Variants in GFM2 observed in about 807,000 individuals in gnomAD.
GFM2 encodes the protein ribosome-releasing factor 2, mitochondrial.
In GFM2, 72 loss-of-function variants were observed where a neutral mutation model predicts 95.4. The ratio of observed to expected loss-of-function variants is 0.76; its 90% CI spans 0.62 to 0.92. GFM2 has a LOEUF of 0.92. GFM2 is among the 40% of genes least tolerant of loss of function. The probability of loss-of-function intolerance (pLI) is 0.00; values close to 1 mark genes in which losing one functional copy is unlikely to be tolerated. For synonymous variants in GFM2, 276 were observed against 317.5 expected (o/e 0.87, Z 1.39); for missense variants, 825 against 924.1 (o/e 0.89, Z 1.39).
Position 74,760,770 on chromosome 5 carries a change from T to C in GFM2, c.148+132A>G, listed in dbSNP as rs536281541. The stretch of plus-strand genomic sequence containing the variant: ...CCTATCTGAACACTCCCGCCCCTAA[T>C]AATCTCAAGGAAATAGCCAAGAAGT... On this transcript the variant is annotated intron_variant, in intron 3 of 20. Transcript: ENST00000296805. The C allele has an allele frequency of 3.7e-5, 25 of 669,110 alleles. No homozygotes were observed. In the African/African-American group the frequency reaches 4.0e-4, roughly 11 times the overall value. 41.4% of individuals were successfully genotyped at this position (669,110 alleles called of 1,614,324 possible).
At chr5:74,726,155 G>C in intron 17 of GFM2, 29 bp from the exon 18 acceptor site, 1 of 1,538,172 alleles carries the variant, frequency 6.5e-7, no homozygotes. Flanking sequence ...TGGCACCTCA[G>C]AGATTAATTC....
chr5:74,761,491 G>A (rs529806004), intron 2 of GFM2, among the ~76,000 whole-genome samples: 1 of 152,288 alleles, frequency 6.6e-6, no homozygotes, highest in South Asian at 2.1e-4. Context: ...TCTGTAGGGG[G>A]CAATGAACTC....
chr5:74,745,062 G>A (rs539859469), intron 10 of GFM2, among the ~76,000 whole-genome samples: 17 of 152,202 alleles, frequency 1.1e-4, no homozygotes, highest in African/African-American at 2.2e-4. Context: ...AATGAGGCCC[G>A]GCGCAGTGGC....
chr5:74,757,971 G>A (rs777660271), intron 5 of GFM2, among the ~76,000 whole-genome samples: 5 of 152,102 alleles, frequency 3.3e-5, no homozygotes, highest in Admixed American at 6.6e-5. Flanking sequence ...AATGGGTATA[G>A]AATTTCAATT....
intron 7 of GFM2, among the ~76,000 whole-genome samples, chr5:74,748,671 C>A (rs960126714): frequency 6.6e-6 from 1 of 151,922 alleles, no homozygotes. Flanking sequence ...TCAAGACCAG[C>A]CTGGCCAACA....
rs1749855846 is a variant in GFM2 at position 74,721,241 on chromosome 5, A to AATAAGATATTAGACT, written c.*399_*413dup. On this transcript the variant is annotated 3_prime_UTR_variant, in exon 21 of 21. Coordinates refer to ENST00000296805, the MANE Select transcript of GFM2 (RefSeq NM_032380.5). ...TCAACTTTATTTTGAAATCATGTAAAATAAGATATTAGACTGTTTTTTGAA... is the reference window on the plus strand; with the variant it reads ...TCAACTTTATTTTGAAATCATGTAAAATAAGATATTAGACTATAAGATATTAGACTGTTTTTTGAA... 2.0e-5 allele frequency: 25 copies of AATAAGATATTAGACT among 1,236,692 alleles called. No individual in the cohort carries two copies. The Admixed American group carries it at 4.2e-4, about 21-fold the overall frequency. The allele number at this position is 1,236,692 out of a possible 1,614,324, so 76.6% of individuals were successfully genotyped here. A position where few individuals can be genotyped will look rare whatever the true frequency, so the allele number is the denominator to read the frequency against.
intron 5 of GFM2, among the ~76,000 whole-genome samples, chr5:74,753,036 C>T (rs1344653674): frequency 1.3e-5 from 2 of 152,078 alleles, no homozygotes; most frequent in East Asian, 3.9e-4. Context: ...CACTAGCTCA[C>T]CAGCAATGAA....
chr5:74,764,382 C>T (rs1345827277), intron 1 of GFM2, among the ~76,000 whole-genome samples: 2 of 152,216 alleles, frequency 1.3e-5, no homozygotes, highest in African/African-American at 2.4e-5. Context: ...GACAGACAGA[C>T]CATGTTAAAC....
chr5:74,759,389 G>T lies in GFM2; in HGVS notation c.186C>A (p.Ile62=). The change falls in exon 4 of 21, where the codon ATC becomes ATA. Residue 62 remains isoleucine, a synonymous_variant. Coordinates refer to ENST00000296805, the MANE Select transcript of GFM2 (RefSeq NM_032380.5). ...IGNDIKSLHS[I]INPPIAKIRN... is the part of the protein sequence containing the mutation. ...CTTACTTAGCTATGGGAGGATTGAT[G>T]ATGGAATGAAGGGATTTGATATCAT... 6.5e-7 allele frequency: 1 copy of T among 1,539,200 alleles called. No homozygotes were observed. Among genetic ancestry groups the T allele is most frequent in the Non-Finnish European group, 9.0e-7 (1 of 1,116,464 alleles).
At chr5:74,751,993 G>A (rs1743740184) in intron 5 of GFM2, among the ~76,000 whole-genome samples, 1 of 152,088 alleles carries the variant, frequency 6.6e-6, no homozygotes, top group Non-Finnish European at 1.5e-5. Context: ...GATGAAAGGA[G>A]ACAATATATA....
At position 74,737,316 on chromosome 5, in the gene GFM2, G is replaced by A. The variant is rs1275781109; in HGVS notation, c.1321-331C>T. Among the ~76,000 whole-genome samples, 9 of 152,234 alleles carry A rather than the reference G, an allele frequency of 5.9e-5. No homozygotes were observed. The East Asian group carries it at 1.7e-3, about 29-fold the overall frequency. ...AGGTTAGGGAGAAGTCCATTAGAGT[G>A]TTCTACCACCCATAAGAATTTATTC... On this transcript the variant is annotated intron_variant, in intron 14 of 20. Transcript: ENST00000296805.
chr5:74,728,905 G>T (rs1014039662), intron 17 of GFM2, among the ~76,000 whole-genome samples: 1 of 151,586 alleles, frequency 6.6e-6, no homozygotes, highest in Non-Finnish European at 1.5e-5. Flanking sequence ...ATAGGCACTC[G>T]CCACCATTCC....
At chr5:74,742,382 G>T (rs1229012824) in intron 10 of GFM2, among the ~76,000 whole-genome samples, 1 of 151,966 alleles carries the variant, frequency 6.6e-6, no homozygotes, top group Non-Finnish European at 1.5e-5. Flanking sequence ...CCTAGAAATG[G>T]TTCCACCACT....
chr5:74,760,931 G>C lies in GFM2; in HGVS notation c.119C>G (p.Pro40Arg). The C allele has an allele frequency of 1.2e-6, 2 of 1,610,168 alleles. No homozygotes were observed. Among genetic ancestry groups the C allele is most frequent in the Non-Finnish European group, 1.7e-6 (2 of 1,176,936 alleles). ...ASLKRLKPHV[P>R]LGRNCSSLPG... ...TAGAGAACTGCAATTTCTTCCAAGC[G>C]GCACATGTGGCTTTAATCTTTTTAA... Residue 40 changes from proline (P) to arginine (R), a missense_variant, in exon 3 of 21, where the codon CCG (proline) becomes CGG (arginine). Coordinates refer to ENST00000296805, the MANE Select transcript of GFM2 (RefSeq NM_032380.5).
intron 17 of GFM2, among the ~76,000 whole-genome samples, chr5:74,729,912 C>T (rs964624717): frequency 1.3e-5 from 2 of 152,148 alleles, no homozygotes; most frequent in African/African-American, 2.4e-5. Context: ...TGACTTTCTA[C>T]TTTTACTTTA....
chr5:74,738,741 A>C, intron 12 of GFM2, 99 bp from the exon 13 acceptor site: 1 of 1,027,352 alleles, frequency 9.7e-7, no homozygotes, highest in Non-Finnish European at 1.4e-6. Context: ...ATCTTCTAGT[A>C]GAGCTACTTA....
chr5:74,765,287 C>A, intron 1 of GFM2: 1 of 211,364 alleles, frequency 4.7e-6, no homozygotes, highest in Non-Finnish European at 9.2e-6. Context: ...TCTGCCTACC[C>A]ACTGCTTTCT....
rs1414897925 is a variant in GFM2, at chr5:74,741,583, A to G, written c.876T>C (p.Ala292=). 6.3e-7 allele frequency: 1 copy of G among 1,590,400 alleles called. No homozygotes were observed. Among genetic ancestry groups the G allele is most frequent in the Non-Finnish European group, 8.6e-7 (1 of 1,162,202 alleles). ...EQVADLDDEF[A]DLVLEEFSEN... is the part of the protein sequence containing the mutation. Reference sequence around the variant, plus strand: ...CACTAAATTCTTCTAAAACCAAGTCAGCAAATTCATCATCCAAATCTGCAA... The same window carrying G: ...CACTAAATTCTTCTAAAACCAAGTCGGCAAATTCATCATCCAAATCTGCAA... The change falls in exon 11 of 21, where the codon GCT becomes GCC. Residue 292 remains alanine (A), a synonymous_variant. Transcript: ENST00000296805.
chr5:74,728,958 TG>T (rs1434864810), intron 17 of GFM2, among the ~76,000 whole-genome samples: 6 of 152,092 alleles, frequency 3.9e-5, no homozygotes, highest in African/African-American at 1.4e-4. Flanking sequence ...GTCACCATAT[TG>T]GCCAGGCTGG....
Sources: allele counts gnomAD v4.1 joint callset (sites outside exome capture counted in the v4.1 genomes callset), GRCh38; gene constraint gnomAD v4.1.1; transcripts MANE v1.5; gene names NCBI Gene and HGNC (gene_info 2026-07-23, HGNC 2026-07-21).